Variants in HPSE2 observed in about 807,000 individuals in gnomAD.
HPSE2 encodes heparanase 2 (inactive).
HPSE2 carries 38 observed loss-of-function variants against 60.5 expected under a neutral mutation model. That is an observed-to-expected ratio of 0.63 (90% CI 0.48 to 0.82). The LOEUF (loss-of-function observed/expected upper bound fraction) is 0.82, where lower values mean the gene tolerates loss of function less well. HPSE2 is among the 40% of genes least tolerant of loss of function. HPSE2 has a pLI of 0.00. For missense variants in HPSE2, 713 were observed against 740.4 expected, an observed-to-expected ratio of 0.96 and a Z score of 0.43; for synonymous variants, 295 against 293.2, an observed-to-expected ratio of 1.01 and a Z score of -0.06.
chr10:99,004,510 T>C (rs1027761329), intron 3 of HPSE2, among the ~76,000 whole-genome samples: 1 of 152,100 alleles, frequency 6.6e-6, no homozygotes, highest in African/African-American at 2.4e-5. Flanking sequence ...AAGATTTGAT[T>C]GCATTAAAAA....
intron 1 of HPSE2, among the ~76,000 whole-genome samples, chr10:99,234,202 C>T (rs1245128176): frequency 6.6e-6 from 1 of 152,172 alleles, no homozygotes; most frequent in Non-Finnish European, 1.5e-5. Flanking sequence ...CCAACAGGAA[C>T]CGAAACGGCC....
At chr10:98,673,952 T>C (rs1947570692) in intron 6 of HPSE2, among the ~76,000 whole-genome samples, 1 of 152,142 alleles carries the variant, frequency 6.6e-6, no homozygotes, top group Admixed American at 6.5e-5. Context: ...CATGTACATA[T>C]GAAACACCTG....
intron 3 of HPSE2, among the ~76,000 whole-genome samples, chr10:98,999,299 G>T (rs1956724556): frequency 6.6e-6 from 1 of 151,990 alleles, no homozygotes; most frequent in East Asian, 1.9e-4. Context: ...CAATGCTATT[G>T]CAATTTGATT....
At chr10:99,195,504 G>A (rs1589806558) in intron 2 of HPSE2, among the ~76,000 whole-genome samples, 1 of 151,692 alleles carries the variant, frequency 6.6e-6, no homozygotes, top group Non-Finnish European at 1.5e-5. Flanking sequence ...CTGATAAGTT[G>A]AGTAAAGTTG....
At chr10:99,187,284 G>T (rs569226659) in intron 2 of HPSE2, among the ~76,000 whole-genome samples, 4 of 152,160 alleles carry the variant, frequency 2.6e-5, no homozygotes, top group Admixed American at 2.6e-4. Context: ...AGACAGAGAA[G>T]TGTACTTATA....
rs992348100 is a variant in HPSE2, at chr10:98,562,540, C to T, written c.1320+52364G>A. On this transcript the variant is annotated intron_variant, in intron 9 of 11. Transcript: ENST00000370552. ...GACCATCCTGGCTAACAAGGTGAAA[C>T]CCCATCTGTACTAAAAATACAAAAA... 2.0e-5 allele frequency among the ~76,000 whole-genome samples: 3 copies of T among 152,000 alleles called. No homozygotes were observed. The East Asian group carries it at 5.8e-4, about 30-fold the overall frequency.
chr10:98,764,034 T>C (rs1053684583), intron 3 of HPSE2, among the ~76,000 whole-genome samples: 2 of 152,106 alleles, frequency 1.3e-5, no homozygotes, highest in Non-Finnish European at 2.9e-5. Flanking sequence ...ATGTAATACA[T>C]CAAACAACTA....
chr10:99,313,413 A>G, the HPSE2 span, among the ~76,000 whole-genome samples: 1 of 152,196 alleles, frequency 6.6e-6, no homozygotes, highest in African/African-American at 2.4e-5. Flanking sequence ...CAATCTCAGG[A>G]TAAAATTTGA....
intron 6 of HPSE2, among the ~76,000 whole-genome samples, chr10:98,688,277 T>C (rs1036644429): frequency 2.6e-5 from 4 of 152,018 alleles, no homozygotes; most frequent in Non-Finnish European, 5.9e-5. Context: ...CATCTACATA[T>C]GTTATCAACC....
At chr10:99,225,162 G>A (rs1479156127) in intron 2 of HPSE2, among the ~76,000 whole-genome samples, 2 of 152,022 alleles carry the variant, frequency 1.3e-5, no homozygotes, top group African/African-American at 4.8e-5. Flanking sequence ...TAAAATTTCA[G>A]GTGATTACTG....
upstream of HPSE2, among the ~76,000 whole-genome samples, chr10:99,236,086 T>C (rs1564914991): frequency 6.6e-6 from 1 of 150,860 alleles, no homozygotes; most frequent in East Asian, 1.9e-4. Flanking sequence ...GCCTTCCCCG[T>C]GACTCTTGCC....
rs80301970 is a variant in HPSE2, at chr10:98,600,803, C to T, written c.1320+14101G>A. Among the ~76,000 whole-genome samples, 509 of 112,076 alleles carry T rather than the reference C, an allele frequency of 4.5e-3. 4 individuals carry two copies. The highest frequency in any genetic ancestry group is 0.012 in the African/African-American group (469 of 38,428). The allele number at this position is 112,076 out of a possible 152,430, so 73.5% of individuals were successfully genotyped here. ...ACATAAACATGTATGTATATATACA[C>T]GTGTGTGCGTGTGTGTGTAGATATA... On this transcript the variant is annotated intron_variant, in intron 9 of 11. Transcript: ENST00000370552.
At chr10:98,885,267 G>A (rs549600951) in intron 3 of HPSE2, among the ~76,000 whole-genome samples, 1 of 152,266 alleles carries the variant, frequency 6.6e-6, no homozygotes, top group Admixed American at 6.6e-5. Context: ...AACTTTAATG[G>A]ATGAAGAATT....
At chr10:99,020,821 A>G (rs1363401542) in intron 3 of HPSE2, among the ~76,000 whole-genome samples, 1 of 152,130 alleles carries the variant, frequency 6.6e-6, no homozygotes, top group Non-Finnish European at 1.5e-5. Context: ...ATTCTAGGTG[A>G]TTTTCTAAAA....
intron 3 of HPSE2, among the ~76,000 whole-genome samples, chr10:98,867,080 A>G (rs368021870): frequency 2.0e-5 from 3 of 152,166 alleles, no homozygotes; most frequent in African/African-American, 7.2e-5. Context: ...TTCTGCATTA[A>G]CAGAGTTTAT....
the HPSE2 span, among the ~76,000 whole-genome samples, chr10:99,278,289 A>G: frequency 2.6e-5 from 4 of 152,162 alleles, no homozygotes; most frequent in African/African-American, 9.6e-5. Flanking sequence ...TATTTCCAAA[A>G]TGTTCTATAA....
At chr10:98,858,305 C>G (rs540461324) in intron 3 of HPSE2, among the ~76,000 whole-genome samples, 1 of 152,128 alleles carries the variant, frequency 6.6e-6, no homozygotes, top group Non-Finnish European at 1.5e-5. Context: ...AAATAGAATA[C>G]GTGTTGGCAA....
intron 3 of HPSE2, among the ~76,000 whole-genome samples, chr10:98,992,379 T>C (rs1320867124): frequency 6.6e-6 from 1 of 152,156 alleles, no homozygotes; most frequent in African/African-American, 2.4e-5. Context: ...TAAGACATTT[T>C]AAAATAGAAA....
chr10:98,561,362 A>T (rs1355110279), intron 9 of HPSE2, among the ~76,000 whole-genome samples: 2 of 152,044 alleles, frequency 1.3e-5, no homozygotes, highest in Non-Finnish European at 2.9e-5. Context: ...TTAGTTTTTA[A>T]CAATAAACTT....
Sources: allele counts gnomAD v4.1 joint callset (sites outside exome capture counted in the v4.1 genomes callset), GRCh38; gene constraint gnomAD v4.1.1; transcripts MANE v1.5; gene names NCBI Gene and HGNC (gene_info 2026-07-23, HGNC 2026-07-21).